MCF2L: variants seen among roughly 807,000 people sequenced by gnomAD.
The protein encoded by MCF2L is MCF.2 cell line derived transforming sequence like, also known as guanine nucleotide exchange factor DBS.
In MCF2L, 97 loss-of-function variants were observed where a neutral mutation model predicts 153.4. The observed-to-expected ratio is 0.63, with a 90% CI of 0.54 to 0.75. The LOEUF is 0.75. Ranked by LOEUF, MCF2L falls within the 30% of genes least tolerant of loss-of-function variation. The pLI is 0.00. For synonymous variants in MCF2L, 659 were observed against 632.2 expected (o/e 1.04, Z -0.64); for missense variants, 1,347 against 1,495.2 (o/e 0.90, Z 1.64).
At chr13:113,091,774 T>A (rs1433222115) in intron 26 of MCF2L, among the ~76,000 whole-genome samples, 1 of 151,846 alleles carries the variant, frequency 6.6e-6, no homozygotes, top group Non-Finnish European at 1.5e-5. Flanking sequence ...AACTGCCCTG[T>A]GAAGCCCAGA....
At chr13:113,090,187 A>C in intron 26 of MCF2L, 1 of 1,508,198 alleles carries the variant, frequency 6.6e-7, no homozygotes, top group Non-Finnish European at 8.9e-7. Flanking sequence ...CCCCAAACCC[A>C]CCCTCACCGT....
At chr13:113,051,898 C>T (rs1257461344) in intron 4 of MCF2L, among the ~76,000 whole-genome samples, 1 of 152,074 alleles carries the variant, frequency 6.6e-6, no homozygotes, top group Non-Finnish European at 1.5e-5. Flanking sequence ...TCCGAGAATC[C>T]GTGAATGGAT....
At chr13:112,994,959 C>T (rs901636300) in intron 1 of MCF2L, among the ~76,000 whole-genome samples, 1 of 152,248 alleles carries the variant, frequency 6.6e-6, no homozygotes, top group Non-Finnish European at 1.5e-5. Context: ...CCGTGTGCAC[C>T]GGGCTGCGGA....
At chr13:113,058,469 T>C (rs2030692793) in intron 4 of MCF2L, among the ~76,000 whole-genome samples, 1 of 150,482 alleles carries the variant, frequency 6.6e-6, no homozygotes, top group Non-Finnish European at 1.5e-5. Flanking sequence ...GGGTGCTGAG[T>C]GCTTAGGTGC....
At position 112,941,650 on chromosome 13, in the gene MCF2L, C is replaced by T. The variant is rs909009321; in HGVS notation, c.169+39279C>T. 1.3e-5 allele frequency among the ~76,000 whole-genome samples: 2 copies of T among 151,910 alleles called. No individual in the cohort carries two copies. Among genetic ancestry groups the T allele is most frequent in the Non-Finnish European group, 2.9e-5 (2 of 68,006 alleles). On this transcript the variant is annotated intron_variant, in intron 2 of 29. Transcript: ENST00000375608. This position sits in a 1 kb window ranked among gnomAD's most constrained non-coding sequence, Gnocchi z 4.9. ...TGGTCCACTGTGGGCGGCAAGCCAC[C>T]CAGGTGCCGAGGCAAGAGACCAAGG...
chr13:113,087,456 C>T lies in MCF2L; in HGVS notation c.2595C>T (p.Asn865=), dbSNP rs150786675. 7,626 of 1,599,518 alleles carry T rather than the reference C, an allele frequency of 4.8e-3. 41 individuals are homozygous for T. The highest frequency in any genetic ancestry group is 5.8e-3 in the Non-Finnish European group (6,785 of 1,170,492). ...APSYSYKQSL[N]MAAVGITENV... ...CCTACAGCTACAAGCAGTCCTTAAACGTAAGTGAGGCCGGGTCTGCAGCAG... is the reference window on the plus strand; with the variant it reads ...CCTACAGCTACAAGCAGTCCTTAAATGTAAGTGAGGCCGGGTCTGCAGCAG... The change falls in exon 22 of 30, where the codon AAC becomes AAT. Residue 865 remains asparagine, a splice_region_variant and synonymous_variant. Coordinates refer to ENST00000535094, the MANE Select transcript of MCF2L (RefSeq NM_001112732.3).
In MCF2L at chr13:113,066,170, G is replaced by C. The variant is rs776083009; in HGVS notation, c.881G>C (p.Arg294Thr). The change falls in exon 8 of 30, where the codon AGG becomes ACG. Residue 294 changes from arginine to threonine, a missense_variant and splice_region_variant. By Grantham distance (71) the Arg-to-Thr change is moderately conservative. Coordinates refer to ENST00000535094, the MANE Select transcript of MCF2L (RefSeq NM_001112732.3). Reference sequence around the variant, plus strand: ...CTTGACAACCAGGCCACCGTGCAGAGGTGAGGCCCGGCTGCCTTCCTGCCC... The same window carrying C: ...CTTGACAACCAGGCCACCGTGCAGACGTGAGGCCCGGCTGCCTTCCTGCCC... ...DQLDNQATVQ[R>T]LLAQLNETEA... 6.2e-7 allele frequency: 1 copy of C among 1,607,038 alleles called. No homozygotes were observed. The highest frequency in any genetic ancestry group is 1.1e-5 in the South Asian group (1 of 90,604).
chr13:112,990,297 G>A (rs1031965430), intron 1 of MCF2L, among the ~76,000 whole-genome samples: 4 of 152,218 alleles, frequency 2.6e-5, no homozygotes, highest in South Asian at 4.1e-4. Flanking sequence ...CAGCCCTGTC[G>A]TGGGATATTT....
intron 2 of MCF2L, among the ~76,000 whole-genome samples, chr13:113,019,349 A>C (rs112381786): frequency 6.6e-6 from 1 of 152,144 alleles, no homozygotes; most frequent in African/African-American, 2.4e-5. Context: ...ACACTCACCA[A>C]GGCCCGACGG....
chr13:112,962,764 GA>G (rs1487456285), intron 2 of MCF2L, among the ~76,000 whole-genome samples: 1 of 152,192 alleles, frequency 6.6e-6, no homozygotes, highest in Non-Finnish European at 1.5e-5. Context: ...TATGAGGAAG[GA>G]GCCCCCCGTG....
intron 3 of MCF2L, among the ~76,000 whole-genome samples, chr13:113,026,704 C>T (rs1215490681): frequency 2.6e-5 from 4 of 152,248 alleles, no homozygotes; most frequent in Admixed American, 6.5e-5. Context: ...GCCCTGGGGG[C>T]GTGGCCGCCT....
rs776486199 is a variant in MCF2L, at chr13:113,094,611, C to T, written c.3051C>T (p.Asp1017=). The T allele has an allele frequency of 5.8e-5, 93 of 1,611,576 alleles. No individual in the cohort carries two copies. Among genetic ancestry groups the T allele is most frequent in the Non-Finnish European group, 6.7e-5 (79 of 1,179,440 alleles). ...EQINSSDAEE[D]GGLGPKKLVP... Reference sequence around the variant, plus strand: ...TTAACTCGTCCGACGCAGAGGAGGACGGCGGGTTGGGCCCCAAGAAGCTGG... The same window carrying T: ...TTAACTCGTCCGACGCAGAGGAGGATGGCGGGTTGGGCCCCAAGAAGCTGG... Residue 1017 remains aspartate (D), a synonymous_variant, in exon 27 of 30, where the codon GAC becomes GAT. Coordinates refer to ENST00000535094, the MANE Select transcript of MCF2L (RefSeq NM_001112732.3).
rs778909074 is a variant in MCF2L, at chr13:113,086,141, C to T, written c.2265C>T (p.Ser755=). The T allele has an allele frequency of 1.2e-6, 2 of 1,608,320 alleles. No homozygotes were observed. The highest frequency in any genetic ancestry group is 1.7e-5 in the Admixed American group (1 of 59,356). Residue 755 remains serine, a synonymous_variant, in exon 21 of 30, where the codon AGC becomes AGT. Transcript: ENST00000535094. ...QLLLKEMLKY[S]RNCEGAEDLQ... is the part of the protein sequence containing the mutation. ...CCCCTCAGGAAATGCTGAAATACAG[C>T]AGGAACTGCGAGGGGGCTGAGGACC...
At chr13:112,952,744 G>A (rs759222481) in intron 2 of MCF2L, among the ~76,000 whole-genome samples, 7 of 152,236 alleles carry the variant, frequency 4.6e-5, no homozygotes, top group Non-Finnish European at 7.3e-5. Context: ...AGCATTTGCT[G>A]TTTGGGACTG....
intron 2 of MCF2L, among the ~76,000 whole-genome samples, chr13:112,948,130 A>G (rs2081656130): frequency 6.6e-6 from 1 of 152,096 alleles, no homozygotes; most frequent in Admixed American, 6.5e-5. Context: ...CTCTCCCTAA[A>G]CTATTCTGTG....
chr13:113,033,179 A>G (rs111910997), intron 3 of MCF2L, among the ~76,000 whole-genome samples: 266 of 51,128 alleles, frequency 5.2e-3, no homozygotes, highest in Middle Eastern at 0.015. Flanking sequence ...GGCCCCCATG[A>G]CGTGAGTGGA....
intron 1 of MCF2L, among the ~76,000 whole-genome samples, chr13:112,895,269 C>T (rs971543621): frequency 6.6e-6 from 1 of 152,144 alleles, no homozygotes; most frequent in Non-Finnish European, 1.5e-5. Context: ...GGGCGTGGCC[C>T]GCATGACCCT....
intron 1 of MCF2L, chr13:113,001,915 C>T (rs200307754): frequency 3.5e-5 from 55 of 1,592,980 alleles, no homozygotes; most frequent in Non-Finnish European, 4.2e-5. Context: ...GGCAGCATGA[C>T]GGTGCGCCGG....
rs546443737 is a variant in MCF2L, at chr13:113,017,803, G to A, written c.163+2957G>A. On this transcript the variant is annotated intron_variant, in intron 2 of 29. Coordinates refer to ENST00000535094, the MANE Select transcript of MCF2L (RefSeq NM_001112732.3). ...TCATTGTGACTGGAGCCCACAGGTC[G>A]ACACCCCAGCCTGTTCCGTGGACTT... is the stretch of plus-strand genomic sequence containing the variant. Among the ~76,000 whole-genome samples, 16 of 152,314 alleles carry A rather than the reference G, an allele frequency of 1.1e-4. No individual in the cohort carries two copies. In the East Asian group the frequency reaches 1.4e-3, roughly 13 times the overall value.
Sources: gnomAD v4.1 joint callset for allele counts (sites outside exome capture counted in the v4.1 genomes callset) on GRCh38, gnomAD v4.1.1 for gene constraint, Gnocchi (gnomAD v3.1) non-coding constraint, MANE v1.5 for transcripts, NCBI Gene and HGNC (gene_info 2026-07-23, HGNC 2026-07-21) for gene names.